Variants in ZNF804B observed in about 807,000 individuals in gnomAD.
The protein encoded by ZNF804B is zinc finger 804B.
A neutral mutation model predicts 101.4 loss-of-function variants in ZNF804B; 80 were observed. That is an observed-to-expected ratio of 0.79 (90% CI 0.66 to 0.95). ZNF804B has a LOEUF of 0.95. ZNF804B is among the 40% of genes least tolerant of loss of function. ZNF804B has a pLI of 0.00. For missense variants in ZNF804B, 1,673 were observed against 1,561.9 expected (o/e 1.07, Z -1.20); for synonymous variants, 622 against 558.8 (o/e 1.11, Z -1.59).
rs143879545 is a variant in ZNF804B, at chr7:88,961,477, G to A, written c.108+201393G>A. ...GGTATCCACAAAGGAAACATCTTTA[G>A]TATTTTTTCTGCATGACTATTTTTG... On this transcript the variant is annotated intron_variant, in intron 1 of 3. Transcript: ENST00000333190. 3.4e-3 allele frequency among the ~76,000 whole-genome samples: 514 copies of A among 151,426 alleles called. 1 individual carries two copies. The highest frequency in any genetic ancestry group is 0.012 in the African/African-American group (488 of 41,448).
intron 1 of ZNF804B, among the ~76,000 whole-genome samples, chr7:89,172,118 G>A (rs1791246580): frequency 6.6e-6 from 1 of 152,088 alleles, no homozygotes; most frequent in Admixed American, 6.5e-5. Context: ...TCAGACAAAG[G>A]AAGGAAGCAT....
At chr7:88,962,732 TATA>T (rs1197937410) in intron 1 of ZNF804B, among the ~76,000 whole-genome samples, 1 of 127,448 alleles carries the variant, frequency 7.8e-6, no homozygotes, top group Non-Finnish European at 1.7e-5. Context: ...TATATATATA[TATA>T]TATATATATA....
chr7:88,944,363 A>G (rs1793095912), intron 1 of ZNF804B, among the ~76,000 whole-genome samples: 2 of 151,862 alleles, frequency 1.3e-5, no homozygotes, highest in South Asian at 4.1e-4. Flanking sequence ...GATACTGAAT[A>G]TAATTTATTT....
intron 1 of ZNF804B, among the ~76,000 whole-genome samples, chr7:88,776,560 G>GTTTT (rs57733765): frequency 2.3e-4 from 17 of 75,116 alleles, no homozygotes; most frequent in Middle Eastern, 0.01. Flanking sequence ...GTGGTGTTTT[G>GTTTT]TTTTTTTTTT....
intron 1 of ZNF804B, among the ~76,000 whole-genome samples, chr7:89,017,355 C>T (rs1394182406): frequency 6.6e-6 from 1 of 152,132 alleles, no homozygotes; most frequent in African/African-American, 2.4e-5. Flanking sequence ...CTGCCCTGGC[C>T]AGAACTTCCA....
chr7:89,184,799 A>C lies in ZNF804B; in HGVS notation c.109-33356A>C, dbSNP rs916297401. 4.6e-5 allele frequency among the ~76,000 whole-genome samples: 7 copies of C among 152,330 alleles called. No individual in the cohort carries two copies. In the East Asian group the frequency reaches 7.7e-4, roughly 17 times the overall value. On this transcript the variant is annotated intron_variant, in intron 1 of 3. Coordinates refer to ENST00000333190, the MANE Select transcript of ZNF804B (RefSeq NM_181646.5). ...GAACTTAGATACCAATTTAATATCC[A>C]TATTATAATTAACATATTTGCCAAA... is the stretch of plus-strand genomic sequence containing the variant.
chr7:89,336,340 A>C lies in ZNF804B; in HGVS notation c.3358A>C (p.Arg1120=). 6.2e-7 allele frequency: 1 copy of C among 1,614,016 alleles called. No homozygotes were observed. Among genetic ancestry groups the C allele is most frequent in the South Asian group, 1.1e-5 (1 of 91,086 alleles). Residue 1120 remains arginine (R), a synonymous_variant, in exon 4 of 4, where the codon AGA becomes CGA. Coordinates refer to ENST00000333190, the MANE Select transcript of ZNF804B (RefSeq NM_181646.5). The part of the protein sequence containing the change: ...VEGNINSYYD[R]TMQKPDKVED... Reference sequence around the variant, plus strand: ...GGGAAATATAAACTCTTACTATGACAGAACTATGCAGAAACCTGACAAAGT... The same window carrying C: ...GGGAAATATAAACTCTTACTATGACCGAACTATGCAGAAACCTGACAAAGT...
chr7:89,308,659 A>G (rs1790603065), intron 2 of ZNF804B, among the ~76,000 whole-genome samples: 1 of 152,186 alleles, frequency 6.6e-6, no homozygotes, highest in African/African-American at 2.4e-5. Context: ...ATGTGGAACT[A>G]ACCACCTCCC....
At chr7:89,177,452 G>A (rs1448540987) in intron 1 of ZNF804B, among the ~76,000 whole-genome samples, 1 of 152,078 alleles carries the variant, frequency 6.6e-6, no homozygotes, top group Non-Finnish European at 1.5e-5. Context: ...CTGATTTGTA[G>A]TTTTATTCCC....
At chr7:89,242,521 C>T in intron 2 of ZNF804B, among the ~76,000 whole-genome samples, 1 of 151,378 alleles carries the variant, frequency 6.6e-6, no homozygotes. Context: ...TGTAATTAAC[C>T]ATATTCTCCT....
At chr7:88,858,533 G>T (rs1791604279) in intron 1 of ZNF804B, among the ~76,000 whole-genome samples, 1 of 152,118 alleles carries the variant, frequency 6.6e-6, no homozygotes, top group Non-Finnish European at 1.5e-5. Context: ...ATATTTTATA[G>T]TTGGTGAAAA....
intron 1 of ZNF804B, among the ~76,000 whole-genome samples, chr7:89,133,426 T>C (rs1055977355): frequency 3.3e-5 from 5 of 152,014 alleles, no homozygotes; most frequent in Non-Finnish European, 7.4e-5. Context: ...GGACCTAGGT[T>C]CCTTTCACAT....
At chr7:89,306,699 G>A (rs1790566700) in intron 2 of ZNF804B, among the ~76,000 whole-genome samples, 1 of 151,954 alleles carries the variant, frequency 6.6e-6, no homozygotes, top group South Asian at 2.1e-4. Context: ...TTAGGACTGG[G>A]TGTAGGGAAG....
intron 1 of ZNF804B, among the ~76,000 whole-genome samples, chr7:88,876,699 C>T (rs1167765187): frequency 6.6e-6 from 1 of 151,938 alleles, no homozygotes; most frequent in African/African-American, 2.4e-5. Flanking sequence ...CTGCAAAAAG[C>T]TGTAAACTCC....
intron 1 of ZNF804B, among the ~76,000 whole-genome samples, chr7:88,901,478 A>T (rs76376346): frequency 0.013 from 1,949 of 152,030 alleles, 35 homozygotes; most frequent in African/African-American, 0.044. Flanking sequence ...CAAATTAGAA[A>T]TAGTAAAAAC....
intron 1 of ZNF804B, among the ~76,000 whole-genome samples, chr7:89,203,580 A>G (rs1788676600): frequency 6.6e-6 from 1 of 152,088 alleles, no homozygotes; most frequent in Admixed American, 6.6e-5. Flanking sequence ...CACAATTTCT[A>G]GTATTCTCTA....
chr7:88,940,871 A>G (rs1453418507), intron 1 of ZNF804B, among the ~76,000 whole-genome samples: 1 of 150,658 alleles, frequency 6.6e-6, no homozygotes, highest in Non-Finnish European at 1.5e-5. Context: ...TACAAAAGAC[A>G]ATCTGATAAA....
chr7:88,877,007 A>ATATAT (rs1554342844), intron 1 of ZNF804B, among the ~76,000 whole-genome samples: 1 of 75,184 alleles, frequency 1.3e-5, no homozygotes, highest in African/African-American at 9.4e-5. Context: ...TGAAAAAAAA[A>ATATAT]ATATATATAT....
chr7:88,761,784 G>A (rs1483042504), intron 1 of ZNF804B, among the ~76,000 whole-genome samples: 2 of 152,146 alleles, frequency 1.3e-5, no homozygotes, highest in Non-Finnish European at 2.9e-5. Flanking sequence ...ATCTTACACG[G>A]TTTAGTTCTA....
Sources: gnomAD v4.1 joint callset for allele counts (sites outside exome capture counted in the v4.1 genomes callset) on GRCh38, gnomAD v4.1.1 for gene constraint, MANE v1.5 for transcripts, NCBI Gene and HGNC (gene_info 2026-07-23, HGNC 2026-07-21) for gene names.